The following EYS variants were observed in gnomAD, a reference collection of about 807,000 sequenced individuals.
EYS encodes the protein EGF-like photoreceptor maintenance factor.
A neutral mutation model predicts 282.1 loss-of-function variants in EYS; 250 were observed. That is an observed-to-expected ratio of 0.89 (90% CI 0.80 to 0.98). The LOEUF (loss-of-function observed/expected upper bound fraction) is 0.98, where lower values mean the gene tolerates loss of function less well. EYS is among the 50% of genes least tolerant of loss of function. The pLI, the probability that EYS is intolerant of heterozygous loss-of-function variation, is 0.00. For synonymous variants in EYS, 1,355 were observed against 1,282.9 expected, an observed-to-expected ratio of 1.06 and a Z score of -1.20; for missense variants, 4,016 against 3,709.0, an observed-to-expected ratio of 1.08 and a Z score of -2.15.
intron 26 of EYS, among the ~76,000 whole-genome samples, chr6:64,497,555 G>A (rs1776928916): frequency 6.6e-6 from 1 of 152,038 alleles, no homozygotes; most frequent in Non-Finnish European, 1.5e-5. Context: ...TAAAATAGAA[G>A]AAAAGTATAG....
intron 26 of EYS, among the ~76,000 whole-genome samples, chr6:64,472,890 A>G (rs1409065239): frequency 6.6e-6 from 1 of 152,180 alleles, no homozygotes; most frequent in Non-Finnish European, 1.5e-5. Flanking sequence ...AGGAGATTCA[A>G]CTAAAAACAC....
intron 12 of EYS, among the ~76,000 whole-genome samples, chr6:65,149,786 T>C (rs1260288262): frequency 6.6e-6 from 1 of 152,118 alleles, no homozygotes; most frequent in African/African-American, 2.4e-5. Flanking sequence ...CCCCATTACC[T>C]CAGTACCTAT....
chr6:65,021,933 C>T (rs1237308522), intron 13 of EYS, among the ~76,000 whole-genome samples: 2 of 152,182 alleles, frequency 1.3e-5, no homozygotes, highest in African/African-American at 4.8e-5. Flanking sequence ...AACTCACTCA[C>T]TCACTATTAC....
At position 64,295,690 on chromosome 6, in the gene EYS, CT is replaced by C. The variant is rs1425167770; in HGVS notation, c.6191+11279del. Among the ~76,000 whole-genome samples, 6 of 144,190 alleles carry C rather than the reference CT, an allele frequency of 4.2e-5. No individual in the cohort carries two copies. In the East Asian group the frequency reaches 1.2e-3, roughly 30 times the overall value. 94.6% of individuals were successfully genotyped at this position (144,190 alleles called of 152,430 possible). A position where few individuals can be genotyped will look rare whatever the true frequency, so the allele number is the denominator to read the frequency against. ...CTTGCAGTGAGCTGAGATCGCGCCG[CT>C]GCACTCCAGCCTGGCTGACTGAGCC... is the stretch of plus-strand genomic sequence containing the variant. On this transcript the variant is annotated intron_variant, in intron 30 of 42. Coordinates refer to ENST00000503581, the MANE Select transcript of EYS (RefSeq NM_001142800.2).
At chr6:64,755,599 G>T (rs1287940175) in intron 22 of EYS, among the ~76,000 whole-genome samples, 4 of 151,496 alleles carry the variant, frequency 2.6e-5, no homozygotes, top group Non-Finnish European at 5.9e-5. Context: ...GCAGCAGCAT[G>T]GATGGAATGG....
At chr6:64,775,001 A>C (rs535790191) in intron 22 of EYS, among the ~76,000 whole-genome samples, 1 of 152,122 alleles carries the variant, frequency 6.6e-6, no homozygotes, top group African/African-American at 2.4e-5. Context: ...CTATCAGATA[A>C]GTAAATAGCC....
At chr6:64,826,430 A>T (rs1472362487) in intron 19 of EYS, among the ~76,000 whole-genome samples, 1 of 151,728 alleles carries the variant, frequency 6.6e-6, no homozygotes, top group Admixed American at 6.6e-5. Flanking sequence ...TTTTTTAAGC[A>T]GATTGGAAGG....
intron 7 of EYS, among the ~76,000 whole-genome samples, chr6:65,388,409 T>C (rs990886058): frequency 1.3e-5 from 2 of 151,484 alleles, no homozygotes; most frequent in Non-Finnish European, 2.9e-5. Flanking sequence ...CCGATAAAAG[T>C]GGAGGGAGAA....
chr6:64,916,692 TA>T (rs928379696), intron 15 of EYS, among the ~76,000 whole-genome samples: 22 of 149,766 alleles, frequency 1.5e-4, no homozygotes, highest in South Asian at 6.3e-4. Flanking sequence ...CTTTATGGAT[TA>T]AAAAAAAAAT....
rs114586239 is a variant in EYS, at chr6:65,682,950, A to C, written c.-448+24185T>G. Among the ~76,000 whole-genome samples, 750 of 152,064 alleles carry C rather than the reference A, an allele frequency of 4.9e-3. 7 individuals are homozygous for C. The highest frequency in any genetic ancestry group is 0.017 in the African/African-American group (707 of 41,524). ...AGGAAAGTTTAGGCCACTATCAATA[A>C]GTTGGGCTTTATTTGTAAATGATGT... On this transcript the variant is annotated intron_variant, in intron 1 of 42. Transcript: ENST00000503581.
At position 64,691,756 on chromosome 6, in the gene EYS, GT is replaced by G. The variant is rs1770392512; in HGVS notation, c.3444-65512del. On this transcript the variant is annotated intron_variant, in intron 22 of 42. Coordinates refer to ENST00000503581, the MANE Select transcript of EYS (RefSeq NM_001142800.2). Reference sequence around the variant, plus strand: ...TGTAAGTGAGAACATGCAGTATTTGGTTTTCTGTTTCTGCATTAATTCGCTT... The same window carrying G: ...TGTAAGTGAGAACATGCAGTATTTGGTTTCTGTTTCTGCATTAATTCGCTT... 3.3e-5 allele frequency among the ~76,000 whole-genome samples: 5 copies of G among 152,218 alleles called. No homozygotes were observed. In the South Asian group the frequency reaches 1.0e-3, roughly 32 times the overall value.
chr6:64,095,447 G>T (rs201304995), intron 31 of EYS, among the ~76,000 whole-genome samples: 4,371 of 152,130 alleles, frequency 0.029, 69 homozygotes, highest in Non-Finnish European at 0.046. Flanking sequence ...CCTGTATTGG[G>T]TGCATATATA....
chr6:64,864,499 C>T (rs1020314633), intron 19 of EYS, among the ~76,000 whole-genome samples: 10 of 149,112 alleles, frequency 6.7e-5, no homozygotes, highest in African/African-American at 2.2e-4. Context: ...GATTCTCCTG[C>T]CTCAGCCTCC....
At chr6:65,328,774 G>GA (rs571891189) in intron 11 of EYS, among the ~76,000 whole-genome samples, 1 of 150,874 alleles carries the variant, frequency 6.6e-6, no homozygotes, top group Non-Finnish European at 1.5e-5. Context: ...TGTTTTTAAT[G>GA]AAAAAAATTC....
At chr6:64,477,382 A>C (rs1277387510) in intron 26 of EYS, among the ~76,000 whole-genome samples, 1 of 152,106 alleles carries the variant, frequency 6.6e-6, no homozygotes, top group Non-Finnish European at 1.5e-5. Flanking sequence ...TTATTTTGGA[A>C]GCCTTAACTT....
At chr6:64,594,010 T>C (rs1485057738) in intron 24 of EYS, among the ~76,000 whole-genome samples, 1 of 152,172 alleles carries the variant, frequency 6.6e-6, no homozygotes, top group African/African-American at 2.4e-5. Flanking sequence ...GATTTTAAAA[T>C]ACTAATACAT....
intron 14 of EYS, among the ~76,000 whole-genome samples, chr6:64,993,176 G>A (rs1010419645): frequency 9.9e-5 from 15 of 151,978 alleles, no homozygotes; most frequent in South Asian, 4.1e-4. Flanking sequence ...GGAAATAAGC[G>A]ACTCTCAAAT....
intron 5 of EYS, among the ~76,000 whole-genome samples, chr6:65,408,883 C>G (rs923249691): frequency 6.6e-6 from 1 of 152,102 alleles, no homozygotes; most frequent in Non-Finnish European, 1.5e-5. Context: ...AGTATAAGCA[C>G]TGTTTTAGCT....
intron 33 of EYS, among the ~76,000 whole-genome samples, chr6:64,054,847 G>A (rs1038254537): frequency 2.0e-5 from 3 of 152,152 alleles, no homozygotes; most frequent in Non-Finnish European, 2.9e-5. Flanking sequence ...TGTCACATAA[G>A]TGCAAAATAA....
Sources: gnomAD v4.1 joint callset for allele counts (sites outside exome capture counted in the v4.1 genomes callset) on GRCh38, gnomAD v4.1.1 for gene constraint, MANE v1.5 for transcripts, NCBI Gene and HGNC (gene_info 2026-07-23, HGNC 2026-07-21) for gene names.